Variants in PLCH2 observed in about 807,000 individuals in gnomAD.
The protein encoded by PLCH2 is phospholipase C eta 2.
In PLCH2, 98 loss-of-function variants were observed where a neutral mutation model predicts 134.7. The ratio of observed to expected loss-of-function variants is 0.73; its 90% CI spans 0.62 to 0.86. The LOEUF is 0.86. Ranked by LOEUF, PLCH2 falls within the 40% of genes least tolerant of loss-of-function variation. The pLI is 0.00. For synonymous variants in PLCH2, 974 were observed against 827.5 expected, an observed-to-expected ratio of 1.18 and a Z score of -3.04; for missense variants, 1,994 against 1,986.6, an observed-to-expected ratio of 1.00 and a Z score of -0.07.
In PLCH2 at chr1:2,505,336, T is replaced by G. The variant is rs1430284734; in HGVS notation, c.*123T>G. ...GTCCCCCTGGCTGCCCTGTGTCCCC[T>G]CCACCCCTGCCTCCCTCCTGCCCCT... On this transcript the variant is annotated 3_prime_UTR_variant, in exon 22 of 22. Coordinates refer to ENST00000378486, the MANE Select transcript of PLCH2 (RefSeq NM_014638.4). The G allele has an allele frequency of 2.8e-6, 2 of 706,882 alleles. No individual in the cohort carries two copies. The highest frequency in any genetic ancestry group is 5.7e-5 in the East Asian group (2 of 35,170). The allele number at this position is 706,882 out of a possible 1,614,324, so 43.8% of individuals were successfully genotyped here.
chr1:2,487,403 C>A (rs750704335), intron 7 of PLCH2, 27 bp downstream of exon 7: 5 of 1,592,192 alleles, frequency 3.1e-6, no homozygotes, highest in Non-Finnish European at 4.3e-6. Context: ...GGGTGACGGC[C>A]GTGGGCTGGC....
the PLCH2 span, among the ~76,000 whole-genome samples, chr1:2,419,457 C>A: frequency 6.6e-6 from 1 of 152,182 alleles, no homozygotes; most frequent in African/African-American, 2.4e-5. Context: ...GGTCCACACT[C>A]TGAGGCCCGG....
At chr1:2,458,071 G>C (rs1048297592) in intron 2 of PLCH2, among the ~76,000 whole-genome samples, 8 of 152,116 alleles carry the variant, frequency 5.3e-5, no homozygotes. Context: ...GCCCCAGGCT[G>C]TGTGTGTGAG....
At chr1:2,437,780 C>T (rs985737207) in intron 2 of PLCH2, among the ~76,000 whole-genome samples, 1 of 152,102 alleles carries the variant, frequency 6.6e-6, no homozygotes, top group Admixed American at 6.5e-5. Context: ...TGTATACCCA[C>T]CCCCACACAC....
intron 1 of PLCH2, among the ~76,000 whole-genome samples, chr1:2,428,925 C>T (rs950349091): frequency 1.8e-4 from 28 of 152,090 alleles, no homozygotes; most frequent in African/African-American, 4.8e-4. Flanking sequence ...TGGTCGAGAG[C>T]GAGCTGGGAG....
rs184570171 is a variant in PLCH2 at position 2,502,162 on chromosome 1, C to G, written c.2712C>G (p.Pro904=). Residue 904 remains proline (P), a synonymous_variant, in exon 21 of 22, where the codon CCC becomes CCG. Coordinates refer to ENST00000378486, the MANE Select transcript of PLCH2 (RefSeq NM_014638.4). Reference sequence around the variant, plus strand: ...GCCTCTTCCTCCGAGGCCCAAAGCCCGGCTCGCTGGACAGTCATGCTGCTG... The same window carrying G: ...GCCTCTTCCTCCGAGGCCCAAAGCCGGGCTCGCTGGACAGTCATGCTGCTG... ...LKGLFLRGPK[P]GSLDSHAAGR... is the part of the protein sequence containing the mutation. 1 of 1,501,834 alleles carries G rather than the reference C, an allele frequency of 6.7e-7. No homozygotes were observed. Among genetic ancestry groups the G allele is most frequent in the African/African-American group, 1.4e-5 (1 of 70,290 alleles). The allele number at this position is 1,501,834 out of a possible 1,614,324, so 93.0% of individuals were successfully genotyped here.
At chr1:2,490,285 G>T (rs565394588) in intron 10 of PLCH2, among the ~76,000 whole-genome samples, 2 of 152,298 alleles carry the variant, frequency 1.3e-5, no homozygotes, top group Admixed American at 6.5e-5. Context: ...TGGACGCTGG[G>T]TGGCTGGTAG....
intron 1 of PLCH2, among the ~76,000 whole-genome samples, chr1:2,476,962 C>T (rs901581633): frequency 2.0e-5 from 3 of 152,202 alleles, no homozygotes; most frequent in African/African-American, 7.2e-5. Context: ...GGGGGCTGAA[C>T]CCAAGGGGGC....
chr1:2,480,978 G>C (rs1050009925), intron 4 of PLCH2, among the ~76,000 whole-genome samples: 14 of 152,248 alleles, frequency 9.2e-5, no homozygotes, highest in African/African-American at 3.4e-4. Context: ...GTGGGTGCAA[G>C]TGCCAGGCCC....
intron 10 of PLCH2, among the ~76,000 whole-genome samples, 198 bp from the exon 11 acceptor site, chr1:2,490,994 T>C (rs1345502795): frequency 6.6e-6 from 1 of 152,240 alleles, no homozygotes; most frequent in East Asian, 1.9e-4. Context: ...TGGGGGCCGC[T>C]GGGCAGACTC....
intron 21 of PLCH2, chr1:2,502,622 G>A (rs530942332): frequency 1.4e-4 from 95 of 688,974 alleles, no homozygotes; most frequent in Middle Eastern, 2.5e-4. Flanking sequence ...GCAGCCCCGG[G>A]CCCGGGCTGA....
rs1466461922 is a variant in PLCH2 at position 2,487,329 on chromosome 1, T to G, written c.1067T>G (p.Val356Gly). The change falls in exon 7 of 22, where the codon GTG becomes GGG. Residue 356 changes from valine to glycine, a missense_variant. Val to Gly is a moderately radical substitution (Grantham distance 109). Coordinates refer to ENST00000378486, the MANE Select transcript of PLCH2 (RefSeq NM_014638.4). Reference sequence around the variant, plus strand: ...GACCAGCTCATGTCCCAGTCACGGGTGGACATGTATGCTTGGGTCCTGCAG... The same window carrying G: ...GACCAGCTCATGTCCCAGTCACGGGGGGACATGTATGCTTGGGTCCTGCAG... The part of the protein sequence containing the change: ...VGDQLMSQSR[V>G]DMYAWVLQAG... 2 of 1,613,704 alleles carry G rather than the reference T, an allele frequency of 1.2e-6. No homozygotes were observed. Among genetic ancestry groups the G allele is most frequent in the Admixed American group, 3.3e-5 (2 of 60,020 alleles).
At chr1:2,478,911 A>G (rs955036588) in intron 2 of PLCH2, among the ~76,000 whole-genome samples, 1 of 152,116 alleles carries the variant, frequency 6.6e-6, no homozygotes, top group Non-Finnish European at 1.5e-5. Context: ...AGCATAGTCC[A>G]TCTAGCTGGG....
At chr1:2,430,295 G>C (rs2100481547) in intron 1 of PLCH2, 1 of 152,692 alleles carries the variant, frequency 6.5e-6, no homozygotes, top group Middle Eastern at 3.4e-3. Context: ...TGCCTGGACA[G>C]ACCTCACCCA....
chr1:2,496,732 G>A (rs779822223), intron 14 of PLCH2, 28 bp downstream of exon 14: 15 of 1,608,764 alleles, frequency 9.3e-6, no homozygotes, highest in South Asian at 4.4e-5. Context: ...CTGGGGCCAC[G>A]GGCGGAGGCC....
upstream of PLCH2, among the ~76,000 whole-genome samples, chr1:2,464,350 C>A (rs1319794078): frequency 6.6e-6 from 1 of 152,240 alleles, no homozygotes; most frequent in Non-Finnish European, 1.5e-5. Flanking sequence ...GGGTCACCTG[C>A]GGGCTCAGAA....
chr1:2,487,942 G>A (rs1047750310), intron 8 of PLCH2, among the ~76,000 whole-genome samples: 23 of 152,314 alleles, frequency 1.5e-4, no homozygotes, highest in Admixed American at 9.1e-4. Context: ...TCGTCCACAC[G>A]CCTGGTGGCA....
At chr1:2,483,756 C>A (rs1642101668) in intron 4 of PLCH2, among the ~76,000 whole-genome samples, 1 of 105,328 alleles carries the variant, frequency 9.5e-6, no homozygotes, top group Non-Finnish European at 2.1e-5. Context: ...GTGTTGTTGA[C>A]CCCCGTTTGG....
At chr1:2,434,055 G>A (rs907474705) in intron 2 of PLCH2, among the ~76,000 whole-genome samples, 14 of 152,224 alleles carry the variant, frequency 9.2e-5, no homozygotes, top group Non-Finnish European at 1.6e-4. Flanking sequence ...CAGGCATCGC[G>A]CGTCCGGCTT....
Sources: gnomAD v4.1 joint callset for allele counts (sites outside exome capture counted in the v4.1 genomes callset) on GRCh38, gnomAD v4.1.1 for gene constraint, MANE v1.5 for transcripts, NCBI Gene and HGNC (gene_info 2026-07-23, HGNC 2026-07-21) for gene names.